NMNAT2: variants seen among roughly 807,000 people sequenced by gnomAD.
The protein encoded by NMNAT2 is nicotinamide nucleotide adenylyltransferase 2.
Under a neutral mutation model 41.6 loss-of-function variants are expected in NMNAT2, and 11 were observed. That is an observed-to-expected ratio of 0.26 (90% CI 0.17 to 0.44). The LOEUF is 0.44. Ranked by LOEUF, NMNAT2 falls within the 20% of genes least tolerant of loss-of-function variation. The pLI is 1.00. For synonymous variants in NMNAT2, 148 were observed against 151.2 expected (o/e 0.98, Z 0.16); for missense variants, 288 against 407.7 (o/e 0.71, Z 2.53).
At chr1:183,346,389 C>A (rs1662929838) in intron 1 of NMNAT2, among the ~76,000 whole-genome samples, 1 of 152,216 alleles carries the variant, frequency 6.6e-6, no homozygotes, top group African/African-American at 2.4e-5. Flanking sequence ...ACCTCCGTAT[C>A]TCTGCTCTTA....
chr1:183,412,359 G>C (rs1441891684), intron 1 of NMNAT2, among the ~76,000 whole-genome samples: 1 of 152,228 alleles, frequency 6.6e-6, no homozygotes, highest in African/African-American at 2.4e-5. Flanking sequence ...AAGTAGCTGG[G>C]ACTACAGGCA....
At chr1:183,303,855 C>A (rs1319269817) in intron 1 of NMNAT2, among the ~76,000 whole-genome samples, 1 of 152,214 alleles carries the variant, frequency 6.6e-6, no homozygotes, top group Non-Finnish European at 1.5e-5. Context: ...TGGGCTGAGG[C>A]TCCCAATAAA....
intron 1 of NMNAT2, among the ~76,000 whole-genome samples, chr1:183,380,319 T>G (rs1663776690): frequency 6.6e-6 from 1 of 152,226 alleles, no homozygotes; most frequent in Non-Finnish European, 1.5e-5. Flanking sequence ...TTATCTCAAT[T>G]TTCTCATCTG....
intron 1 of NMNAT2, among the ~76,000 whole-genome samples, chr1:183,379,212 G>A (rs569719181): frequency 5.3e-5 from 8 of 151,722 alleles, no homozygotes; most frequent in South Asian, 2.1e-4. Flanking sequence ...ACTATATCTC[G>A]CTCTGTCACC....
intron 1 of NMNAT2, among the ~76,000 whole-genome samples, chr1:183,343,626 T>C (rs1662865031): frequency 6.6e-6 from 1 of 152,250 alleles, no homozygotes; most frequent in African/African-American, 2.4e-5. Context: ...GAATGGAGAT[T>C]ATACTTTGAG....
chr1:183,251,639 C>G lies in NMNAT2; in HGVS notation c.*1002G>C, dbSNP rs1660382701. The G allele has an allele frequency of 6.5e-6, 1 of 152,714 alleles. No homozygotes were observed. The highest frequency in any genetic ancestry group is 2.4e-5 in the African/African-American group (1 of 41,402). 9.5% of individuals were successfully genotyped at this position (152,714 alleles called of 1,614,324 possible). ...TGGAAACCCCTGGCTGGTAGGGAAC[C>G]CGCACTGTGCCATCAGCTACAGTCC... On this transcript the variant is annotated 3_prime_UTR_variant, in exon 11 of 11. Coordinates refer to ENST00000287713, the MANE Select transcript of NMNAT2 (RefSeq NM_015039.4).
chr1:183,260,379 A>AT (rs1037495623), intron 10 of NMNAT2, among the ~76,000 whole-genome samples: 39 of 152,162 alleles, frequency 2.6e-4, no homozygotes, highest in South Asian at 1.5e-3. Flanking sequence ...GAATATTGGA[A>AT]TTTTTTTTGT....
chr1:183,370,223 T>TGC (rs1428584382), intron 1 of NMNAT2, among the ~76,000 whole-genome samples: 76 of 112,822 alleles, frequency 6.7e-4, no homozygotes, highest in Admixed American at 4.5e-3. Context: ...TATCAACACA[T>TGC]ACACACACAC....
At position 183,252,743 on chromosome 1, in the gene NMNAT2, C is replaced by T. The variant is rs150799244; in HGVS notation, c.822G>A (p.Arg274=). ...GGCCGTCCCCATGCTGCAGGGCCAG[C>T]CTGCACAAGAAGAGATGACAATCAG... ...PMSVVSSTKS[R]LALQHGDGHV... is the part of the protein sequence containing the mutation. The change falls in exon 11 of 11, where the codon AGG becomes AGA. Residue 274 remains arginine (R), a splice_region_variant and synonymous_variant. Transcript: ENST00000287713. 335 of 1,612,220 alleles carry T rather than the reference C, an allele frequency of 2.1e-4. No individual in the cohort carries two copies. In the African/African-American group the frequency reaches 3.7e-3, roughly 18 times the overall value.
intron 1 of NMNAT2, among the ~76,000 whole-genome samples, chr1:183,297,706 T>C (rs1661741373): frequency 1.3e-5 from 2 of 152,122 alleles, no homozygotes; most frequent in African/African-American, 4.8e-5. Flanking sequence ...TTCAATTTAT[T>C]TTATAAAGCC....
intron 8 of NMNAT2, among the ~76,000 whole-genome samples, chr1:183,273,390 G>A (rs540453733): frequency 1.4e-4 from 22 of 152,352 alleles, no homozygotes; most frequent in Admixed American, 1.2e-3. Flanking sequence ...CGGGGCACCC[G>A]ATAATAAAGA....
At chr1:183,260,487 T>C (rs2050699) in intron 10 of NMNAT2, among the ~76,000 whole-genome samples, 109,607 of 152,094 alleles carry the variant, frequency 0.72, 40,930 homozygotes, top group Middle Eastern at 0.86. Flanking sequence ...CTTTAAAGCA[T>C]CTAAGACTAG....
At chr1:183,348,953 CA>C (rs2102350526) in intron 1 of NMNAT2, among the ~76,000 whole-genome samples, 2 of 152,296 alleles carry the variant, frequency 1.3e-5, no homozygotes, top group African/African-American at 4.8e-5. Context: ...AAGTCTTTGT[CA>C]GGAGAAAAGG....
chr1:183,414,619 G>A (rs1358567132), intron 1 of NMNAT2, among the ~76,000 whole-genome samples: 1 of 152,126 alleles, frequency 6.6e-6, no homozygotes, highest in African/African-American at 2.4e-5. Context: ...ATCCCTGAAA[G>A]CATTTTAGTT....
At chr1:183,363,871 G>T (rs982947340) in intron 1 of NMNAT2, among the ~76,000 whole-genome samples, 1 of 152,138 alleles carries the variant, frequency 6.6e-6, no homozygotes, top group East Asian at 1.9e-4. Context: ...AATGCACAAG[G>T]CCTGTCATTT....
At chr1:183,415,961 G>T (rs1280604119) in intron 1 of NMNAT2, among the ~76,000 whole-genome samples, 1 of 151,962 alleles carries the variant, frequency 6.6e-6, no homozygotes, top group Non-Finnish European at 1.5e-5. Flanking sequence ...TACTTTAATG[G>T]ACATGCAAAG....
intron 1 of NMNAT2, among the ~76,000 whole-genome samples, chr1:183,399,674 A>G (rs1648756032): frequency 6.6e-6 from 1 of 152,124 alleles, no homozygotes; most frequent in Non-Finnish European, 1.5e-5. Context: ...TAAAATACTG[A>G]CAAACCAAAT....
At position 183,389,736 on chromosome 1, in the gene NMNAT2, AAAAGAAAGAAAG is replaced by A. The variant is rs1186159050; in HGVS notation, c.85+28435_85+28446del. ...GGGCAACAGAGCAAGACCCTGTCAA[AAAAGAAAGAAAG>A]AAAGAAAGAAAGAAAGAAAGAAAGA... On this transcript the variant is annotated intron_variant, in intron 1 of 10. Coordinates refer to ENST00000287713, the MANE Select transcript of NMNAT2 (RefSeq NM_015039.4). Among the ~76,000 whole-genome samples, 493 of 76,426 alleles carry A rather than the reference AAAAGAAAGAAAG, an allele frequency of 6.5e-3. 33 individuals are homozygous for A. The highest frequency in any genetic ancestry group is 8.7e-3 in the Non-Finnish European group (337 of 38,568). 50.1% of individuals were successfully genotyped at this position (76,426 alleles called of 152,430 possible).
chr1:183,286,917 G>A (rs773722704), intron 4 of NMNAT2, 129 bp from the exon 5 acceptor site: 64 of 904,936 alleles, frequency 7.1e-5, no homozygotes, highest in Non-Finnish European at 1.0e-4. Context: ...CCTGGGGATG[G>A]GTTCTAGACC....
Sources: allele counts gnomAD v4.1 joint callset (sites outside exome capture counted in the v4.1 genomes callset), GRCh38; gene constraint gnomAD v4.1.1; transcripts MANE v1.5; gene names NCBI Gene and HGNC (gene_info 2026-07-23, HGNC 2026-07-21).